CEP131: variants seen among roughly 807,000 people sequenced by gnomAD.
CEP131 encodes centrosomal protein 131, also known as centrosomal protein of 131 kDa.
Under a neutral mutation model 136.8 loss-of-function variants are expected in CEP131, and 99 were observed. The observed-to-expected ratio is 0.72, with a 90% CI of 0.62 to 0.86. The LOEUF (loss-of-function observed/expected upper bound fraction) is 0.86. Ranked by LOEUF, CEP131 falls within the 40% of genes least tolerant of loss-of-function variation. CEP131 has a pLI of 0.00. For missense variants in CEP131, 1,459 were observed against 1,463.0 expected (o/e 1.00, Z 0.04); for synonymous variants, 646 against 612.7 (o/e 1.05, Z -0.80).
At chr17:81,194,291 G>C (rs988748109) in intron 17 of CEP131, among the ~76,000 whole-genome samples, 164 bp from the exon 18 acceptor site, 9 of 152,162 alleles carry the variant, frequency 5.9e-5, no homozygotes, top group Non-Finnish European at 1.3e-4. Context: ...CCCACGAGGT[G>C]GGGAAGAGAC....
intron 2 of CEP131, among the ~76,000 whole-genome samples, chr17:81,218,189 C>T (rs1025416471): frequency 1.4e-4 from 21 of 152,150 alleles, no homozygotes; most frequent in Non-Finnish European, 8.8e-5. Context: ...ATTAAGGGTG[C>T]GCGCCACCAC....
Position 81,200,333 on chromosome 17 carries a change from C to T in CEP131, c.902G>A (p.Arg301Gln), listed in dbSNP as rs760432858. The change falls in exon 8 of 26, where the codon CGG (arginine) becomes CAG (glutamine). Residue 301 changes from arginine to glutamine, a missense_variant. Coordinates refer to ENST00000450824, the MANE Select transcript of CEP131 (RefSeq NM_014984.4). ...GACTGAGACGCCCACACTGACCTCCCGCTTGGCCTGAAGCAAGTGCTCCAG... is the reference window on the plus strand; with the variant it reads ...GACTGAGACGCCCACACTGACCTCCTGCTTGGCCTGAAGCAAGTGCTCCAG... ...ARLEHLLQAK[R>Q]EEQRQRSGEG... 1.1e-5 allele frequency: 18 copies of T among 1,601,364 alleles called. No homozygotes were observed. The South Asian group carries it at 1.5e-4, about 13-fold the overall frequency.
At position 81,192,406 on chromosome 17, in the gene CEP131, A is replaced by C. The variant is rs1243770275; in HGVS notation, c.2548-14T>G. On this transcript the variant is annotated splice_polypyrimidine_tract_variant and intron_variant, in intron 20 of 25. Transcript: ENST00000450824. ...ATTCAGCTCCATCTGGGGGGCGGAC[A>C]TAAGAGGCCAGTCAGTCCCACCCCG... is the stretch of plus-strand genomic sequence containing the variant. 6.2e-7 allele frequency: 1 copy of C among 1,610,772 alleles called. No homozygotes were observed. The highest frequency in any genetic ancestry group is 8.5e-7 in the Non-Finnish European group (1 of 1,179,506).
At position 81,200,395 on chromosome 17, in the gene CEP131, C is replaced by T. The variant is rs910088935; in HGVS notation, c.840G>A (p.Arg280=). The T allele has an allele frequency of 3.2e-6, 5 of 1,563,668 alleles. No individual in the cohort carries two copies. The East Asian group carries it at 1.2e-4, about 37-fold the overall frequency. The change falls in exon 8 of 26, where the codon CGG becomes CGA. Residue 280 remains arginine (R), a synonymous_variant. Transcript: ENST00000450824. ...QATVTIQRWY[R]HQVQRRGAGA... ...CTGCTCCGCGCCGCTGCACCTGGTGCCGGTACCAGCGCTGGATGGTGACAG... is the reference window on the plus strand; with the variant it reads ...CTGCTCCGCGCCGCTGCACCTGGTGTCGGTACCAGCGCTGGATGGTGACAG...
intron 21 of CEP131, among the ~76,000 whole-genome samples, chr17:81,192,056 C>T (rs2279919): frequency 0.079 from 12,060 of 152,092 alleles, 615 homozygotes; most frequent in African/African-American, 0.14. Flanking sequence ...CAGCCCCTAG[C>T]GAGAGGGGCA....
chr17:81,194,080 C>G lies in CEP131; in HGVS notation c.2167G>C (p.Val723Leu). ...TCGTGCAGGCTCTTGAGCCTCCGCA[C>G]TTCCTGCTTGTGCCTTGCAATCAGC... The part of the protein sequence containing the change: ...QKLIARHKQE[V>L]RRLKSLHEAE... Residue 723 changes from valine to leucine, a missense_variant, in exon 18 of 26, where the codon GTG becomes CTG. Physicochemically the swap from Val to Leu is conservative, Grantham distance 32 (BLOSUM62 1). Coordinates refer to ENST00000450824, the MANE Select transcript of CEP131 (RefSeq NM_014984.4). 1 of 1,578,616 alleles carries G rather than the reference C, an allele frequency of 6.3e-7. No individual in the cohort carries two copies. The highest frequency in any genetic ancestry group is 1.2e-5 in the South Asian group (1 of 86,714).
rs1203744136 is a variant in CEP131, at chr17:81,219,921, C to A, written c.136G>T (p.Val46Phe). The stretch of plus-strand genomic sequence containing the variant: ...TGCTCGCTGCCTGTGACCACGGAGA[C>A]AGAGCGGACGATGGGCTTGGTGGTG... The part of the protein sequence containing the change: ...AATTKPIVRS[V>F]SVVTGSEQKR... Residue 46 changes from valine to phenylalanine, a missense_variant, in exon 2 of 26, where the codon GTC (valine) becomes TTC (phenylalanine). Physicochemically the swap from Val to Phe is conservative, Grantham distance 50. Transcript: ENST00000450824. This position sits in a 1 kb window ranked among gnomAD's most constrained non-coding sequence, Gnocchi z 4.0. 1 of 1,611,316 alleles carries A rather than the reference C, an allele frequency of 6.2e-7. No individual in the cohort carries two copies. The highest frequency in any genetic ancestry group is 1.7e-4 in the Middle Eastern group (1 of 6,058).
chr17:81,205,036 G>A (rs2061973250), intron 5 of CEP131, among the ~76,000 whole-genome samples: 1 of 152,042 alleles, frequency 6.6e-6, no homozygotes, highest in Non-Finnish European at 1.5e-5. Context: ...TGAGGCGGGT[G>A]GATCACAAGG....
Position 81,198,868 on chromosome 17 carries a change from T to C in CEP131, c.1287+9A>G. ...ACCATGATGGAGTGAAGGACAGCTG[T>C]GCTCAGACCTGCGTCCTGTCCTCTG... On this transcript the variant is annotated intron_variant, in intron 11 of 25. Coordinates refer to ENST00000450824, the MANE Select transcript of CEP131 (RefSeq NM_014984.4). 2.5e-6 allele frequency: 4 copies of C among 1,572,810 alleles called. No homozygotes were observed. Among genetic ancestry groups the C allele is most frequent in the Non-Finnish European group, 1.7e-6 (2 of 1,159,664 alleles).
intron 3 of CEP131, among the ~76,000 whole-genome samples, chr17:81,207,877 CCAAA>C (rs957237190): frequency 4.2e-3 from 16 of 3,846 alleles, no homozygotes; most frequent in Non-Finnish European, 7.5e-3. Context: ...TGGTGACACA[CCAAA>C]CACACCACAC....
Position 81,219,895 on chromosome 17 carries a change from C to T in CEP131, c.162G>A (p.Gln54=). ...CAGTACTCACCAGCACCTTCCTCTTCTGCTCGCTGCCTGTGACCACGGAGA... is the reference window on the plus strand; with the variant it reads ...CAGTACTCACCAGCACCTTCCTCTTTTGCTCGCTGCCTGTGACCACGGAGA... ...RSVSVVTGSE[Q]KRKVLEATGP... Residue 54 remains glutamine (Q), a synonymous_variant, in exon 2 of 26, where the codon CAG becomes CAA. Coordinates refer to ENST00000450824, the MANE Select transcript of CEP131 (RefSeq NM_014984.4). The surrounding 1 kb of genome is among the most constrained non-coding windows in gnomAD (Gnocchi z 4.0). 1 of 1,608,006 alleles carries T rather than the reference C, an allele frequency of 6.2e-7. No individual in the cohort carries two copies. Among genetic ancestry groups the T allele is most frequent in the Non-Finnish European group, 8.5e-7 (1 of 1,177,198 alleles).
In CEP131 at chr17:81,189,756, C is replaced by T. The variant is rs770322493; in HGVS notation, c.*13G>A. 1.3e-6 allele frequency: 2 copies of T among 1,587,504 alleles called. No individual in the cohort carries two copies. Among genetic ancestry groups the T allele is most frequent in the Admixed American group, 3.4e-5 (2 of 58,600 alleles). On this transcript the variant is annotated 3_prime_UTR_variant, in exon 26 of 26. Coordinates refer to ENST00000450824, the MANE Select transcript of CEP131 (RefSeq NM_014984.4). ...TGCCTTCCGTTCTTCGACAGTGTTCCCGGCATCCCTGGTCACTTGGTACTT... is the reference window on the plus strand; with the variant it reads ...TGCCTTCCGTTCTTCGACAGTGTTCTCGGCATCCCTGGTCACTTGGTACTT...
intron 2 of CEP131, among the ~76,000 whole-genome samples, chr17:81,213,350 A>G (rs1425422181): frequency 6.6e-6 from 1 of 152,214 alleles, no homozygotes; most frequent in East Asian, 1.9e-4. Flanking sequence ...ACTTGAGGTC[A>G]GGAGTTCGAG....
chr17:81,199,360 C>A (rs565748631), intron 10 of CEP131, 21 bp downstream of exon 10: 2 of 1,582,766 alleles, frequency 1.3e-6, no homozygotes, highest in Admixed American at 1.8e-5. Context: ...CAGAGCAGGG[C>A]GGGCGTGGAG....
chr17:81,190,278 C>T (rs2061609094), intron 24 of CEP131, among the ~76,000 whole-genome samples: 3 of 152,178 alleles, frequency 2.0e-5, no homozygotes, highest in Admixed American at 6.5e-5. Flanking sequence ...AGGAAGGATG[C>T]AGGACCCCCG....
chr17:81,209,002 G>A lies in CEP131; in HGVS notation c.198C>T (p.Gly66=), dbSNP rs1419668238. The change falls in exon 3 of 26, where the codon GGC becomes GGT. Residue 66 remains glycine (G), a synonymous_variant. Coordinates refer to ENST00000450824, the MANE Select transcript of CEP131 (RefSeq NM_014984.4). ...TTCTAAGGTTGTTGATGGCCTGGGA[G>A]CCCCCAGGCCCTGTGGCCTCCTGCA... ...RKVLEATGPG[G]SQAINNLRRS... is the part of the protein sequence containing the mutation. 1.9e-6 allele frequency: 3 copies of A among 1,613,272 alleles called. No homozygotes were observed. The highest frequency in any genetic ancestry group is 8.5e-7 in the Non-Finnish European group (1 of 1,179,376).
intron 13 of CEP131, 85 bp from the exon 14 acceptor site, chr17:81,197,140 C>A: frequency 6.8e-7 from 1 of 1,481,086 alleles, no homozygotes; most frequent in Non-Finnish European, 9.0e-7. Flanking sequence ...GCGGCCCTGC[C>A]CTCTGGGGAC....
Position 81,219,995 on chromosome 17 carries a change from C to T in CEP131, c.62G>A (p.Ser21Asn), listed in dbSNP as rs1598331661. Residue 21 changes from serine to asparagine, a missense_variant, in exon 2 of 26, where the codon AGT becomes AAT. Physicochemically the swap from Ser to Asn is conservative, Grantham distance 46. Coordinates refer to ENST00000450824, the MANE Select transcript of CEP131 (RefSeq NM_014984.4). This position sits in a 1 kb window ranked among gnomAD's most constrained non-coding sequence, Gnocchi z 4.0. ...PERSPAGVDL[S>N]LTGLPPPVSR... Reference sequence around the variant, plus strand: ...CACAGGCGGAGGGAGACCTGTCAGACTCAGGTCCACACCTGCTGGGCTGCG... The same window carrying T: ...CACAGGCGGAGGGAGACCTGTCAGATTCAGGTCCACACCTGCTGGGCTGCG... 9 of 1,612,244 alleles carry T rather than the reference C, an allele frequency of 5.6e-6. No individual in the cohort carries two copies. Among genetic ancestry groups the T allele is most frequent in the Non-Finnish European group, 6.8e-6 (8 of 1,179,490 alleles).
At position 81,194,112 on chromosome 17, in the gene CEP131, A is replaced by ATCTC; in HGVS notation, c.2131_2134dup (p.Ile712ArgfsTer29). The ATCTC allele has an allele frequency of 6.5e-7, 1 of 1,541,236 alleles. No individual in the cohort carries two copies. The highest frequency in any genetic ancestry group is 8.7e-7 in the Non-Finnish European group (1 of 1,145,488). ...CTTGTGCCTTGCAATCAGCTTCTGG[A>ATCTC]TCTCGGGCTCCAGACCTGGGGGCGG... is the stretch of plus-strand genomic sequence containing the variant. On this transcript the variant is annotated frameshift_variant, in exon 18 of 26. Transcript: ENST00000450824. LOFTEE classifies it high-confidence loss of function.
Sources: allele counts gnomAD v4.1 joint callset (sites outside exome capture counted in the v4.1 genomes callset), GRCh38; gene constraint gnomAD v4.1.1; non-coding constraint Gnocchi (gnomAD v3.1); transcripts MANE v1.5; gene names NCBI Gene and HGNC (gene_info 2026-07-23, HGNC 2026-07-21).